JAK2: variants seen among roughly 807,000 people sequenced by gnomAD.
JAK2 encodes tyrosine-protein kinase JAK2.
Under a neutral mutation model 139.3 loss-of-function variants are expected in JAK2, and 86 were observed. The observed-to-expected ratio is 0.62, with a 90% CI of 0.52 to 0.74. The LOEUF (loss-of-function observed/expected upper bound fraction) is 0.74. JAK2 is among the 30% of genes least tolerant of loss of function. The pLI is 0.00. For missense variants in JAK2, 1,421 were observed against 1,360.3 expected (o/e 1.04, Z -0.70); for synonymous variants, 490 against 437.7 (o/e 1.12, Z -1.49).
intron 8 of JAK2, among the ~76,000 whole-genome samples, chr9:5,059,356 T>C (rs946278889): frequency 3.9e-5 from 6 of 152,310 alleles, no homozygotes; most frequent in Admixed American, 2.0e-4. Flanking sequence ...TTAGTTAGTA[T>C]AATGTTTGGA....
intron 2 of JAK2, among the ~76,000 whole-genome samples, chr9:4,990,607 G>GA (rs34944921): frequency 1.3e-5 from 2 of 151,756 alleles, no homozygotes; most frequent in African/African-American, 4.8e-5. Flanking sequence ...AGGAGACAAA[G>GA]AAAAAAACAG....
chr9:5,084,314 G>C lies in JAK2; in HGVS notation c.2571+2453G>C, dbSNP rs1349343866. Among the ~76,000 whole-genome samples the C allele has an allele frequency of 2.6e-5, 4 of 152,044 alleles. No homozygotes were observed. The East Asian group carries it at 7.7e-4, about 29-fold the overall frequency. Reference sequence around the variant, plus strand: ...TCATCTTTGTTTGTTTGAAGTAATTGATGTGTTCAGTGGTTTGTCTAGATA... The same window carrying C: ...TCATCTTTGTTTGTTTGAAGTAATTCATGTGTTCAGTGGTTTGTCTAGATA... On this transcript the variant is annotated intron_variant, in intron 19 of 24. Transcript: ENST00000381652.
chr9:5,042,609 A>G (rs1334056612), intron 4 of JAK2, among the ~76,000 whole-genome samples: 1 of 94,224 alleles, frequency 1.1e-5, no homozygotes, highest in East Asian at 2.6e-4. Flanking sequence ...AGGCCCAGCC[A>G]GCTGCCCCCG....
Position 5,090,912 on chromosome 9 carries a change from G to C in JAK2, c.3059+1G>C. The stretch of plus-strand genomic sequence containing the variant: ...AACCTGGTGAAAGTCCCATATTCTG[G>C]TGAGTATATTTCAGTATGATAAATG... On this transcript the variant is annotated splice_donor_variant, in intron 22 of 24. Transcript: ENST00000381652. LOFTEE classifies it high-confidence loss of function. 2 of 1,586,256 alleles carry C rather than the reference G, an allele frequency of 1.3e-6. No homozygotes were observed. Among genetic ancestry groups the C allele is most frequent in the Non-Finnish European group, 1.7e-6 (2 of 1,165,536 alleles).
At chr9:5,120,062 T>C (rs1228782063) in intron 22 of JAK2, among the ~76,000 whole-genome samples, 1 of 152,198 alleles carries the variant, frequency 6.6e-6, no homozygotes, top group Admixed American at 6.5e-5. Flanking sequence ...TTTCTCACAC[T>C]TCTAGAGGTT....
chr9:5,108,921 G>C (rs982390164), intron 22 of JAK2: 1 of 152,038 alleles, frequency 6.6e-6, no homozygotes, highest in Non-Finnish European at 1.5e-5. Context: ...TTCCAACTAC[G>C]AGTGAGTCCA....
intron 11 of JAK2, 146 bp downstream of exon 11, chr9:5,069,354 A>C (rs1406009290): frequency 2.6e-5 from 14 of 534,520 alleles, no homozygotes; most frequent in Non-Finnish European, 4.2e-5. Flanking sequence ...TACAAGCATC[A>C]TCAAATAAGA....
chr9:5,037,584 A>T (rs1387657209), intron 4 of JAK2, among the ~76,000 whole-genome samples: 2 of 152,194 alleles, frequency 1.3e-5, no homozygotes. Context: ...GGAAACCATC[A>T]TTCTCAGCAA....
chr9:5,108,071 C>A (rs1366106456), intron 22 of JAK2: 1 of 152,088 alleles, frequency 6.6e-6, no homozygotes, highest in Non-Finnish European at 1.5e-5. Flanking sequence ...AGTAACTCAT[C>A]CAACTTCTCA....
rs1417077774 is a variant in JAK2, at chr9:5,127,541, C to T, written c.*750C>T. 8.7e-6 allele frequency: 2 copies of T among 231,056 alleles called. No homozygotes were observed. Among genetic ancestry groups the T allele is most frequent in the Admixed American group, 1.1e-4 (2 of 17,686 alleles). 14.3% of individuals were successfully genotyped at this position (231,056 alleles called of 1,614,324 possible). On this transcript the variant is annotated 3_prime_UTR_variant, in exon 25 of 25. Transcript: ENST00000381652. Reference sequence around the variant, plus strand: ...TATTTTATTATGGTTTCCCTTGTATCTATTTGTGGTGAATGTGTTTTTTAA... The same window carrying T: ...TATTTTATTATGGTTTCCCTTGTATTTATTTGTGGTGAATGTGTTTTTTAA...
At chr9:4,993,399 A>T (rs918730944) in intron 2 of JAK2, among the ~76,000 whole-genome samples, 1 of 152,196 alleles carries the variant, frequency 6.6e-6, no homozygotes, top group Non-Finnish European at 1.5e-5. Context: ...TCTCCTTGAA[A>T]TTCTACTCAA....
At chr9:5,004,497 A>C (rs1389604272) in intron 2 of JAK2, among the ~76,000 whole-genome samples, 1 of 152,144 alleles carries the variant, frequency 6.6e-6, no homozygotes, top group Non-Finnish European at 1.5e-5. Flanking sequence ...ATTATATTCT[A>C]TTGTGTACAT....
intron 19 of JAK2, chr9:5,085,986 G>C: frequency 1.0e-6 from 1 of 959,798 alleles, no homozygotes; most frequent in Non-Finnish European, 1.7e-6. Flanking sequence ...TTTGCTGTAC[G>C]GGGTTGTGTG....
intron 18 of JAK2, 143 bp downstream of exon 18, chr9:5,080,826 C>T: frequency 2.0e-6 from 1 of 491,470 alleles, no homozygotes; most frequent in South Asian, 4.8e-5. Context: ...TATGGCTTTT[C>T]ATGCTTTATA....
Position 5,064,956 on chromosome 9 carries a change from C to T in JAK2, c.1130C>T (p.Ala377Val), listed in dbSNP as rs55953208. The T allele has an allele frequency of 4.4e-6, 7 of 1,606,102 alleles. No homozygotes were observed. Among genetic ancestry groups the T allele is most frequent in the Non-Finnish European group, 6.0e-6 (7 of 1,174,636 alleles). ...SLIDGYYRLT[A>V]DAHHYLCKEV... is the part of the protein sequence containing the mutation. The stretch of plus-strand genomic sequence containing the variant: ...ATTGATGGATATTATAGATTAACTG[C>T]AGATGCACATCATTACCTCTGTAAA... Residue 377 changes from alanine to valine, a missense_variant, in exon 9 of 25, where the codon GCA becomes GTA. Physicochemically the swap from Ala to Val is moderately conservative, Grantham distance 64. Transcript: ENST00000381652.
intron 4 of JAK2, among the ~76,000 whole-genome samples, chr9:5,042,607 C>T (rs1377821371): frequency 6.6e-6 from 1 of 152,118 alleles, no homozygotes. Context: ...TGAGGCCCAG[C>T]CAGCTGCCCC....
chr9:5,109,113 A>C (rs1230416620), intron 22 of JAK2: 1 of 152,162 alleles, frequency 6.6e-6, no homozygotes, highest in Admixed American at 6.5e-5. Flanking sequence ...TACAGGACTT[A>C]ATATACTAAT....
intron 2 of JAK2, among the ~76,000 whole-genome samples, chr9:5,018,041 G>A (rs12352214): frequency 0.35 from 52,686 of 152,014 alleles, 9,770 homozygotes; most frequent in African/African-American, 0.49. Context: ...ATGTTTTTTA[G>A]TCCATTTAGC....
intron 19 of JAK2, among the ~76,000 whole-genome samples, chr9:5,086,789 G>A (rs1211848201): frequency 2.0e-5 from 3 of 152,106 alleles, no homozygotes; most frequent in Admixed American, 1.3e-4. Context: ...GGTATTGCTA[G>A]TGTCTTTCAC....
Sources: gnomAD v4.1 joint callset for allele counts (sites outside exome capture counted in the v4.1 genomes callset) on GRCh38, gnomAD v4.1.1 for gene constraint, MANE v1.5 for transcripts, NCBI Gene and HGNC (gene_info 2026-07-23, HGNC 2026-07-21) for gene names.